SNX29: variants seen among roughly 807,000 people sequenced by gnomAD.
SNX29 encodes the protein sorting nexin-29.
A neutral mutation model predicts 102.1 loss-of-function variants in SNX29; 78 were observed. The ratio of observed to expected loss-of-function variants is 0.76; its 90% CI spans 0.64 to 0.92. The LOEUF (loss-of-function observed/expected upper bound fraction) is 0.92. Among genes scored for constraint, SNX29 ranks in the 40% least tolerant of loss-of-function variants. The pLI, the probability that SNX29 is intolerant of heterozygous loss-of-function variation, is 0.00. For synonymous variants in SNX29, 580 were observed against 414.5 expected (o/e 1.40, Z -4.85); for missense variants, 1,280 against 1,061.7 (o/e 1.21, Z -2.86).
chr16:12,066,992 TAAATAAATA>T (rs1019302796), intron 9 of SNX29, among the ~76,000 whole-genome samples: 10 of 63,712 alleles, frequency 1.6e-4, no homozygotes. Context: ...AATAAATAAA[TAAATAAATA>T]AATAAATAAA....
chr16:12,049,246 T>C (rs1251176744), intron 7 of SNX29, among the ~76,000 whole-genome samples: 1 of 151,938 alleles, frequency 6.6e-6, no homozygotes, highest in African/African-American at 2.4e-5. Flanking sequence ...CCTAGCACTT[T>C]GGGAGGCCGA....
At chr16:12,230,357 C>T (rs1333283622) in intron 14 of SNX29, among the ~76,000 whole-genome samples, 1 of 152,182 alleles carries the variant, frequency 6.6e-6, no homozygotes, top group Non-Finnish European at 1.5e-5. Context: ...AATAGACAAT[C>T]ACGTTCTCTT....
At chr16:12,470,713 A>C (rs62028445) in intron 18 of SNX29, among the ~76,000 whole-genome samples, 18,348 of 152,240 alleles carry the variant, frequency 0.12, 1,185 homozygotes, top group Admixed American at 0.13. Flanking sequence ...CCTGCCTAGC[A>C]TTTGACAATT....
At chr16:12,282,775 C>G (rs1022088874) in intron 15 of SNX29, among the ~76,000 whole-genome samples, 1 of 152,194 alleles carries the variant, frequency 6.6e-6, no homozygotes, top group Non-Finnish European at 1.5e-5. Flanking sequence ...TCTGCCTCAG[C>G]CTCCTGAGTA....
chr16:12,068,239 G>T (rs1384705296), intron 9 of SNX29, among the ~76,000 whole-genome samples: 1 of 152,116 alleles, frequency 6.6e-6, no homozygotes, highest in African/African-American at 2.4e-5. Flanking sequence ...CACTTTGGGA[G>T]GCCAGGGCGG....
At chr16:12,541,000 T>G (rs2077309403) in intron 20 of SNX29, among the ~76,000 whole-genome samples, 1 of 152,200 alleles carries the variant, frequency 6.6e-6, no homozygotes, top group African/African-American at 2.4e-5. Flanking sequence ...GTGAGCTCAC[T>G]GCGGGTTTCC....
intron 18 of SNX29, among the ~76,000 whole-genome samples, chr16:12,422,956 C>T (rs1240511304): frequency 2.0e-5 from 3 of 152,078 alleles, no homozygotes; most frequent in Non-Finnish European, 2.9e-5. Flanking sequence ...AAGAAACATC[C>T]GAAGCTTAAA....
At chr16:12,463,674 A>G (rs2086913604) in intron 18 of SNX29, among the ~76,000 whole-genome samples, 1 of 152,240 alleles carries the variant, frequency 6.6e-6, no homozygotes, top group Admixed American at 6.5e-5. Context: ...AACCTCTATT[A>G]TTAAAAATTG....
At chr16:12,118,881 A>G (rs1183290381) in intron 11 of SNX29, among the ~76,000 whole-genome samples, 1 of 152,076 alleles carries the variant, frequency 6.6e-6, no homozygotes, top group Non-Finnish European at 1.5e-5. Context: ...TGCCTCCATT[A>G]GATCCCATCT....
chr16:12,455,259 C>T (rs896584605), intron 18 of SNX29, among the ~76,000 whole-genome samples: 1 of 152,190 alleles, frequency 6.6e-6, no homozygotes, highest in Admixed American at 6.5e-5. Context: ...GCTTGGTCTA[C>T]GCCTGGGGTT....
At chr16:12,560,143 CCAA>C (rs1216933316) in intron 20 of SNX29, among the ~76,000 whole-genome samples, 3 of 45,072 alleles carry the variant, frequency 6.7e-5, no homozygotes, top group Non-Finnish European at 1.7e-4. Flanking sequence ...CCTCCCCCCC[CCAA>C]CAAACAGTAA....
At chr16:12,227,924 A>AAG (rs2077660583) in intron 14 of SNX29, among the ~76,000 whole-genome samples, 1 of 149,118 alleles carries the variant, frequency 6.7e-6, no homozygotes, top group Non-Finnish European at 1.5e-5. Context: ...AAAAAAAAAA[A>AAG]AAGACCGAAG....
chr16:12,476,443 T>TGA (rs2087656251), intron 18 of SNX29, among the ~76,000 whole-genome samples: 1 of 91,782 alleles, frequency 1.1e-5, no homozygotes, highest in Non-Finnish European at 2.0e-5. Context: ...TATATATATA[T>TGA]GATGAGAATT....
intron 13 of SNX29, among the ~76,000 whole-genome samples, chr16:12,162,002 C>T (rs953960379): frequency 6.6e-6 from 1 of 152,198 alleles, no homozygotes; most frequent in Non-Finnish European, 1.5e-5. Context: ...CCCCGAATCC[C>T]TCACCACCCC....
chr16:12,275,866 G>A (rs910371505), intron 14 of SNX29, among the ~76,000 whole-genome samples: 9 of 148,062 alleles, frequency 6.1e-5, no homozygotes, highest in Non-Finnish European at 1.2e-4. Flanking sequence ...TCACCTCATA[G>A]GAAACATTTT....
At position 12,403,521 on chromosome 16, in the gene SNX29, G is replaced by T. The variant is rs372710575; in HGVS notation, c.2029G>T (p.Val677Leu). Residue 677 changes from valine (V) to leucine (L), a missense_variant, in exon 18 of 21, where the codon GTG (valine) becomes TTG (leucine). Physicochemically the swap from Val to Leu is conservative, Grantham distance 32 (BLOSUM62 1). Transcript: ENST00000566228. ...LRGKAANAFH[V>L]YQVYIRIKDD... ...GGGCAAAGCAGCAAATGCATTCCAC[G>T]TGTATCAGGTGAGTGCCTGGTTTTC... is the stretch of plus-strand genomic sequence containing the variant. 7 of 1,604,642 alleles carry T rather than the reference G, an allele frequency of 4.4e-6. No individual in the cohort carries two copies. The African/African-American group carries it at 8.0e-5, about 18-fold the overall frequency.
At chr16:12,561,209 G>T (rs185596028) in intron 20 of SNX29, 14 of 230,360 alleles carry the variant, frequency 6.1e-5, no homozygotes, top group African/African-American at 3.1e-4. Context: ...CAGGACCCCC[G>T]CAGCCATGCA....
intron 19 of SNX29, among the ~76,000 whole-genome samples, chr16:12,484,803 C>CT (rs2088146184): frequency 6.6e-6 from 1 of 152,206 alleles, no homozygotes; most frequent in Non-Finnish European, 1.5e-5. Context: ...CACTCTCTGG[C>CT]CCTTTCCTCT....
chr16:12,505,822 C>A (rs981087196), intron 19 of SNX29, among the ~76,000 whole-genome samples: 1 of 146,188 alleles, frequency 6.8e-6, no homozygotes, highest in Non-Finnish European at 1.5e-5. Context: ...GTTGAATCTG[C>A]CAGTCAATTT....
Sources: allele counts gnomAD v4.1 joint callset (sites outside exome capture counted in the v4.1 genomes callset), GRCh38; gene constraint gnomAD v4.1.1; transcripts MANE v1.5; gene names NCBI Gene and HGNC (gene_info 2026-07-23, HGNC 2026-07-21).